MGAT4C: variants seen among roughly 807,000 people sequenced by gnomAD.
MGAT4C encodes MGAT4 family member C, also known as alpha-1,3-mannosyl-glycoprotein 4-beta-N-acetylglucosaminyltransferase C.
MGAT4C carries 19 observed loss-of-function variants against 40.1 expected under a neutral mutation model. The observed-to-expected ratio is 0.47, with a 90% CI of 0.33 to 0.70. The LOEUF (loss-of-function observed/expected upper bound fraction) is 0.70. Among genes scored for constraint, MGAT4C ranks in the 30% least tolerant of loss-of-function variants. The pLI, the probability that MGAT4C is intolerant of heterozygous loss-of-function variation, is 0.02. For synonymous variants in MGAT4C, 181 were observed against 187.1 expected, an observed-to-expected ratio of 0.97 and a Z score of 0.27; for missense variants, 491 against 563.2, an observed-to-expected ratio of 0.87 and a Z score of 1.30.
Position 86,313,490 on chromosome 12 carries a change from C to T in MGAT4C, c.-57+20575G>A, listed in dbSNP as rs933383928. Among the ~76,000 whole-genome samples, 4 of 152,048 alleles carry T rather than the reference C, an allele frequency of 2.6e-5. 1 individual carries two copies. The highest frequency in any genetic ancestry group is 4.1e-4 in the South Asian group (2 of 4,826). ...AGTTGATCAGTGAAGTCTATGCATC[C>T]ATTAAAAGCATAGCTAGCTATTGAT... On this transcript the variant is annotated intron_variant, in intron 4 of 7. Transcript: ENST00000548651.
rs746561030 is a variant in MGAT4C, at chr12:86,034,482, A to C, written c.-7+15192T>G. ...TTTCTGGTTCAATTTGGGAGGTTAT[A>C]TCTCTCAGAATTGACCAATTTTTTT... On this transcript the variant is annotated intron_variant, in intron 2 of 4. Transcript: ENST00000611864. Among the ~76,000 whole-genome samples, 11 of 149,176 alleles carry C rather than the reference A, an allele frequency of 7.4e-5. 1 individual carries two copies. The highest frequency in any genetic ancestry group is 1.7e-4 in the Non-Finnish European group (11 of 66,502).
At position 86,312,336 on chromosome 12, in the gene MGAT4C, C is replaced by A. The variant is rs1030969452; in HGVS notation, c.-57+21729G>T. The stretch of plus-strand genomic sequence containing the variant: ...AGCCGCATTACACTCTACCCCAAAT[C>A]TGGAAAGTGTGAAGAGAAAATGCCA... On this transcript the variant is annotated intron_variant, in intron 4 of 7. Transcript: ENST00000548651. Among the ~76,000 whole-genome samples, 3 of 152,200 alleles carry A rather than the reference C, an allele frequency of 2.0e-5. No homozygotes were observed. In the East Asian group the frequency reaches 5.8e-4, roughly 29 times the overall value.
At chr12:86,737,297 A>G (rs1565956460) in intron 1 of MGAT4C, among the ~76,000 whole-genome samples, 1 of 150,034 alleles carries the variant, frequency 6.7e-6, no homozygotes, top group South Asian at 2.1e-4. Flanking sequence ...TTTTTGGCCT[A>G]TCAGAAGCAA....
intron 2 of MGAT4C, among the ~76,000 whole-genome samples, chr12:86,465,703 G>T (rs1208630086): frequency 1.3e-5 from 2 of 152,110 alleles, no homozygotes; most frequent in Non-Finnish European, 2.9e-5. Flanking sequence ...CTATTAGATG[G>T]TCAAAAATTC....
chr12:86,055,406 C>T (rs1285429950), intron 1 of MGAT4C, among the ~76,000 whole-genome samples: 1 of 151,898 alleles, frequency 6.6e-6, no homozygotes, highest in African/African-American at 2.4e-5. Flanking sequence ...TGAAATTGTA[C>T]ATTAGACAAA....
chr12:85,980,043 C>T lies in MGAT4C; in HGVS notation c.683G>A (p.Arg228Gln), dbSNP rs754111075. 9.9e-6 allele frequency: 16 copies of T among 1,613,458 alleles called. No homozygotes were observed. Among genetic ancestry groups the T allele is most frequent in the South Asian group, 2.2e-5 (2 of 91,074 alleles). Residue 228 changes from arginine (R) to glutamine (Q), a missense_variant, in exon 5 of 5, where the codon CGA (arginine) becomes CAA (glutamine). Coordinates refer to ENST00000611864, the MANE Select transcript of MGAT4C (RefSeq NM_001351288.2). Reference sequence around the variant, plus strand: ...GGCAGTTAAGAAATTTTTTGAACATCGAACATCATCTTCAAGCATTACATA... The same window carrying T: ...GGCAGTTAAGAAATTTTTTGAACATTGAACATCATCTTCAAGCATTACATA... ...DYYVMLEDDV[R>Q]CSKNFLTAIK...
At chr12:86,058,425 A>T (rs1893608646) in intron 1 of MGAT4C, among the ~76,000 whole-genome samples, 1 of 152,106 alleles carries the variant, frequency 6.6e-6, no homozygotes, top group South Asian at 2.1e-4. Context: ...AATAGTAAAA[A>T]ATGTTTCCCT....
At chr12:86,292,610 T>C (rs142145841) in intron 4 of MGAT4C, among the ~76,000 whole-genome samples, 4 of 152,268 alleles carry the variant, frequency 2.6e-5, no homozygotes, top group East Asian at 1.9e-4. Flanking sequence ...AGAGCTGTCA[T>C]AGGTAATGTG....
At chr12:86,728,026 G>A (rs906684338) in intron 1 of MGAT4C, among the ~76,000 whole-genome samples, 1 of 152,114 alleles carries the variant, frequency 6.6e-6, no homozygotes, top group African/African-American at 2.4e-5. Flanking sequence ...CAATGCTCAT[G>A]CAATTAATGT....
At chr12:86,440,959 T>C (rs1346020332) in intron 2 of MGAT4C, among the ~76,000 whole-genome samples, 1 of 151,984 alleles carries the variant, frequency 6.6e-6, no homozygotes, top group African/African-American at 2.4e-5. Flanking sequence ...CTGGAATAAA[T>C]CATAGGCAAC....
At chr12:86,076,354 A>G (rs1271109905) in intron 1 of MGAT4C, among the ~76,000 whole-genome samples, 2 of 152,184 alleles carry the variant, frequency 1.3e-5, no homozygotes, top group African/African-American at 4.8e-5. Context: ...GTTTCTAGGA[A>G]GTTTCAAACT....
chr12:86,791,068 T>C (rs1952012725), intron 1 of MGAT4C, among the ~76,000 whole-genome samples: 1 of 152,048 alleles, frequency 6.6e-6, no homozygotes, highest in Admixed American at 6.6e-5. Flanking sequence ...ATTCAGAAAT[T>C]TCGGTGTGCT....
chr12:86,624,023 C>A (rs1962721558), intron 2 of MGAT4C, among the ~76,000 whole-genome samples: 1 of 152,178 alleles, frequency 6.6e-6, no homozygotes, highest in Non-Finnish European at 1.5e-5. Context: ...TAGCTCCCTA[C>A]AAATGTCCCA....
At chr12:86,567,648 A>G (rs1288081055) in intron 2 of MGAT4C, among the ~76,000 whole-genome samples, 2 of 152,164 alleles carry the variant, frequency 1.3e-5, no homozygotes, top group Non-Finnish European at 2.9e-5. Flanking sequence ...TCACTCCACC[A>G]GGTAAAAACC....
chr12:86,821,580 T>G (rs1247386517), intron 1 of MGAT4C, among the ~76,000 whole-genome samples: 1 of 150,996 alleles, frequency 6.6e-6, no homozygotes, highest in Admixed American at 6.6e-5. Flanking sequence ...CATATAGTGC[T>G]ACCAAACACT....
At chr12:86,075,549 G>A (rs1003131860) in intron 1 of MGAT4C, among the ~76,000 whole-genome samples, 1 of 152,174 alleles carries the variant, frequency 6.6e-6, no homozygotes, top group African/African-American at 2.4e-5. Context: ...TAGGGACTCT[G>A]TGTGGGGGCT....
At chr12:86,155,679 A>G (rs1414364027) in intron 1 of MGAT4C, among the ~76,000 whole-genome samples, 1 of 152,226 alleles carries the variant, frequency 6.6e-6, no homozygotes, top group Non-Finnish European at 1.5e-5. Flanking sequence ...AACTGGAAAT[A>G]TCAAATAGGT....
At chr12:86,337,377 G>T (rs1052953812) in intron 3 of MGAT4C, among the ~76,000 whole-genome samples, 1 of 151,836 alleles carries the variant, frequency 6.6e-6, no homozygotes, top group South Asian at 2.1e-4. Flanking sequence ...AAGGTGGATC[G>T]CTTGAGCCTA....
chr12:86,001,176 T>C (rs750180957), intron 2 of MGAT4C, among the ~76,000 whole-genome samples: 1 of 152,140 alleles, frequency 6.6e-6, no homozygotes, highest in Non-Finnish European at 1.5e-5. Flanking sequence ...TGACCTGCCA[T>C]CAGTAAGAAT....
Sources: gnomAD v4.1 joint callset for allele counts (sites outside exome capture counted in the v4.1 genomes callset) on GRCh38, gnomAD v4.1.1 for gene constraint, MANE v1.5 for transcripts, NCBI Gene and HGNC (gene_info 2026-07-23, HGNC 2026-07-21) for gene names.